TAFA4: variants seen among roughly 807,000 people sequenced by gnomAD.
TAFA4 encodes the protein chemokine-like protein TAFA-4.
A neutral mutation model predicts 21.1 loss-of-function variants in TAFA4; 20 were observed. The ratio of observed to expected loss-of-function variants is 0.95; its 90% CI spans 0.67 to 1.38. The LOEUF is 1.38. Among genes scored for constraint, TAFA4 ranks in the 40% most tolerant of loss-of-function variants. The probability of loss-of-function intolerance (pLI) is 0.00; values close to 1 mark genes in which losing one functional copy is unlikely to be tolerated. For missense variants in TAFA4, 211 were observed against 180.9 expected, an observed-to-expected ratio of 1.17 and a Z score of -0.95; for synonymous variants, 71 against 67.4, an observed-to-expected ratio of 1.05 and a Z score of -0.26.
chr3:68,745,255 A>C (rs1368778792), intron 4 of TAFA4, among the ~76,000 whole-genome samples: 1 of 152,222 alleles, frequency 6.6e-6, no homozygotes, highest in Non-Finnish European at 1.5e-5. Context: ...CAAAGGACTC[A>C]GAAGTAGGAT....
At chr3:68,743,575 C>CAAAA (rs1156284708) in intron 4 of TAFA4, among the ~76,000 whole-genome samples, 1 of 65,744 alleles carries the variant, frequency 1.5e-5, no homozygotes, top group African/African-American at 5.6e-5. Context: ...GACTCTGTCT[C>CAAAA]AAAAAAAAAA....
rs570546298 is a variant in TAFA4 at position 68,790,252 on chromosome 3, T to G, written c.131-37234A>C. Among the ~76,000 whole-genome samples, 367 of 152,014 alleles carry G rather than the reference T, an allele frequency of 2.4e-3. 3 individuals are homozygous for G. Among genetic ancestry groups the G allele is most frequent in the African/African-American group, 8.6e-3 (357 of 41,446 alleles). On this transcript the variant is annotated intron_variant, in intron 3 of 5. Coordinates refer to ENST00000295569, the MANE Select transcript of TAFA4 (RefSeq NM_182522.5). ...CTTTGAAAGATCAGATATGTACATT[T>G]TAAGCCCTAGAGCAATCACTAAAAA...
chr3:68,753,801 A>G (rs1001178847), intron 3 of TAFA4, among the ~76,000 whole-genome samples: 1 of 152,158 alleles, frequency 6.6e-6, no homozygotes, highest in Non-Finnish European at 1.5e-5. Context: ...CAGTCCTACA[A>G]CCTCAAGAAC....
At chr3:68,828,268 C>A (rs7610324) in intron 3 of TAFA4, among the ~76,000 whole-genome samples, 1 of 151,904 alleles carries the variant, frequency 6.6e-6, no homozygotes, top group African/African-American at 2.4e-5. Flanking sequence ...CATGCTGTTT[C>A]GGTTACTGTA....
At chr3:68,817,142 C>T (rs1703996978) in intron 3 of TAFA4, among the ~76,000 whole-genome samples, 1 of 152,164 alleles carries the variant, frequency 6.6e-6, no homozygotes, top group Admixed American at 6.5e-5. Context: ...TCAAACCCTG[C>T]GTTTTATCAA....
At chr3:68,814,851 G>T (rs1202761154) in intron 3 of TAFA4, among the ~76,000 whole-genome samples, 1 of 152,092 alleles carries the variant, frequency 6.6e-6, no homozygotes, top group East Asian at 1.9e-4. Flanking sequence ...AGCCCGCATT[G>T]CCAAGTCAAT....
At chr3:68,792,481 C>T (rs1189836780) in intron 3 of TAFA4, among the ~76,000 whole-genome samples, 4 of 152,010 alleles carry the variant, frequency 2.6e-5, no homozygotes, top group Admixed American at 6.6e-5. Flanking sequence ...CTTAGCATGC[C>T]GCACAGTTTG....
At chr3:68,756,612 A>G (rs1565386) in intron 3 of TAFA4, among the ~76,000 whole-genome samples, 105,424 of 152,052 alleles carry the variant, frequency 0.69, 37,100 homozygotes, top group East Asian at 0.99. Flanking sequence ...GTCGATGGCA[A>G]GAAAATTCAA....
At chr3:68,766,713 A>C (rs13062535) in intron 3 of TAFA4, among the ~76,000 whole-genome samples, 6,868 of 152,228 alleles carry the variant, frequency 0.045, 393 homozygotes, top group East Asian at 0.25. Context: ...AAGAAAGAAT[A>C]CATATCCAAG....
intron 3 of TAFA4, among the ~76,000 whole-genome samples, chr3:68,853,387 G>C (rs1422837482): frequency 2.0e-5 from 3 of 152,098 alleles, no homozygotes; most frequent in African/African-American, 7.2e-5. Flanking sequence ...TATTTTAAAT[G>C]CATGGTTTAT....
chr3:68,814,855 A>G (rs1703929536), intron 3 of TAFA4, among the ~76,000 whole-genome samples: 1 of 152,238 alleles, frequency 6.6e-6, no homozygotes, highest in Non-Finnish European at 1.5e-5. Context: ...CGCATTGCCA[A>G]GTCAATCCTA....
At chr3:68,759,034 C>G (rs1478610064) in intron 3 of TAFA4, among the ~76,000 whole-genome samples, 1 of 152,180 alleles carries the variant, frequency 6.6e-6, no homozygotes, top group African/African-American at 2.4e-5. Context: ...ACCAGGAGAG[C>G]CAATGGTGTC....
At chr3:68,817,062 T>C (rs1703995363) in intron 3 of TAFA4, among the ~76,000 whole-genome samples, 1 of 152,190 alleles carries the variant, frequency 6.6e-6, no homozygotes, top group Non-Finnish European at 1.5e-5. Context: ...CATGAAAGAT[T>C]TCTCTGTAGC....
intron 3 of TAFA4, among the ~76,000 whole-genome samples, chr3:68,808,179 G>A (rs1337549536): frequency 6.6e-6 from 1 of 152,016 alleles, no homozygotes; most frequent in Non-Finnish European, 1.5e-5. Context: ...TAGAGAGGAA[G>A]GAACACACAG....
rs74861387 is a variant in TAFA4 at position 68,732,135 on chromosome 3, T to C, written c.*1007A>G. 8 of 152,658 alleles carry C rather than the reference T, an allele frequency of 5.2e-5. No homozygotes were observed. Among genetic ancestry groups the C allele is most frequent in the African/African-American group, 1.9e-4 (8 of 41,540 alleles). The allele number at this position is 152,658 out of a possible 1,614,324, so 9.5% of individuals were successfully genotyped here. On this transcript the variant is annotated 3_prime_UTR_variant, in exon 6 of 6. Transcript: ENST00000295569. The stretch of plus-strand genomic sequence containing the variant: ...ATGTGGAGACATGTCTGCTGCAAAA[T>C]CATTAAGCCAATCAGGACTCAGATT...
chr3:68,746,334 C>G (rs1024666671), intron 4 of TAFA4, among the ~76,000 whole-genome samples: 1 of 150,630 alleles, frequency 6.6e-6, no homozygotes, highest in Non-Finnish European at 1.5e-5. Flanking sequence ...ATACATCTAT[C>G]TCATATATAC....
intron 3 of TAFA4, among the ~76,000 whole-genome samples, chr3:68,786,753 C>T (rs146731498): frequency 6.6e-6 from 1 of 152,246 alleles, no homozygotes; most frequent in East Asian, 1.9e-4. Context: ...CCACAAACTG[C>T]ATATAAGTTA....
intron 1 of TAFA4, among the ~76,000 whole-genome samples, chr3:68,888,286 C>T (rs1209397444): frequency 6.6e-6 from 1 of 152,084 alleles, no homozygotes; most frequent in Non-Finnish European, 1.5e-5. Flanking sequence ...CTGCTTGAGA[C>T]TTCATCAGAA....
Position 68,809,405 on chromosome 3 carries a change from G to A in TAFA4, c.131-56387C>T, listed in dbSNP as rs191888003. Among the ~76,000 whole-genome samples the A allele has an allele frequency of 3.7e-3, 559 of 152,088 alleles. 3 individuals are homozygous for A. Among genetic ancestry groups the A allele is most frequent in the South Asian group, 6.8e-3 (33 of 4,822 alleles). On this transcript the variant is annotated intron_variant, in intron 3 of 5. Transcript: ENST00000295569. ...TATAACAGTATGGGAATAGTTACTTGTCTAGAAATATAATTGGTTGCCAAT... is the reference window on the plus strand; with the variant it reads ...TATAACAGTATGGGAATAGTTACTTATCTAGAAATATAATTGGTTGCCAAT...
Sources: gnomAD v4.1 joint callset for allele counts (sites outside exome capture counted in the v4.1 genomes callset) on GRCh38, gnomAD v4.1.1 for gene constraint, MANE v1.5 for transcripts, NCBI Gene and HGNC (gene_info 2026-07-23, HGNC 2026-07-21) for gene names.